CNOT6: variants seen among roughly 807,000 people sequenced by gnomAD.
CNOT6 encodes the protein carbon catabolite repression 4 protein.
In CNOT6, 12 loss-of-function variants were observed where a neutral mutation model predicts 61.2. The ratio of observed to expected loss-of-function variants is 0.20; its 90% CI spans 0.13 to 0.32. The LOEUF (loss-of-function observed/expected upper bound fraction) is 0.32, where lower values mean the gene tolerates loss of function less well. Ranked by LOEUF, CNOT6 falls within the 10% of genes least tolerant of loss-of-function variation. CNOT6 has a pLI of 1.00. For synonymous variants in CNOT6, 225 were observed against 240.6 expected, an observed-to-expected ratio of 0.94 and a Z score of 0.60; for missense variants, 405 against 663.9, an observed-to-expected ratio of 0.61 and a Z score of 4.28.
chr5:180,501,459 A>G (rs1300764045), intron 1 of CNOT6, among the ~76,000 whole-genome samples: 1 of 152,210 alleles, frequency 6.6e-6, no homozygotes, highest in East Asian at 1.9e-4. Flanking sequence ...CCTCCTGGAT[A>G]CTTAGGTGGA....
intron 1 of CNOT6, among the ~76,000 whole-genome samples, chr5:180,508,192 T>G (rs13171921): frequency 0.27 from 40,903 of 151,968 alleles, 6,134 homozygotes; most frequent in Middle Eastern, 0.41. Flanking sequence ...GGGCTAGAGT[T>G]GGAGACTGGA....
Position 180,549,990 on chromosome 5 carries a change from T to C in CNOT6, c.172T>C (p.Leu58=), listed in dbSNP as rs371414037. 11 of 1,614,110 alleles carry C rather than the reference T, an allele frequency of 6.8e-6. No homozygotes were observed. In the South Asian group the frequency reaches 9.9e-5, roughly 14 times the overall value. ...WSLTHLTALH[L]SDNSLSRIPS... is the part of the protein sequence containing the mutation. ...ACTAACTCACCTGACAGCTTTGCAT[T>C]TGAGTGACAATTCCCTGTCCCGAAT... Residue 58 remains leucine, a synonymous_variant, in exon 3 of 12, where the codon TTG becomes CTG. Transcript: ENST00000261951.
At chr5:180,520,943 C>A (rs1050962062) in intron 1 of CNOT6, among the ~76,000 whole-genome samples, 25 of 151,488 alleles carry the variant, frequency 1.7e-4, no homozygotes, top group African/African-American at 6.1e-4. Context: ...CTCCTGAGTT[C>A]AAGCAATTCT....
At chr5:180,545,635 G>C (rs1759279359) in intron 2 of CNOT6, among the ~76,000 whole-genome samples, 1 of 152,056 alleles carries the variant, frequency 6.6e-6, no homozygotes, top group Non-Finnish European at 1.5e-5. Flanking sequence ...GAACACACTT[G>C]GGTTGTTTCC....
At chr5:180,521,218 A>C (rs187916056) in intron 1 of CNOT6, among the ~76,000 whole-genome samples, 4 of 152,202 alleles carry the variant, frequency 2.6e-5, no homozygotes, top group Non-Finnish European at 5.9e-5. Flanking sequence ...TCTGTAATGA[A>C]TATCAGCAGT....
intron 2 of CNOT6, among the ~76,000 whole-genome samples, chr5:180,531,703 C>T (rs2127723145): frequency 6.6e-6 from 1 of 152,358 alleles, no homozygotes; most frequent in East Asian, 1.9e-4. Context: ...AGATTGAGCA[C>T]TGAGTGAGCA....
chr5:180,529,152 C>T lies in CNOT6; in HGVS notation c.-2-123C>T, dbSNP rs1033579557. 5.3e-5 allele frequency: 34 copies of T among 643,584 alleles called. No homozygotes were observed. In the East Asian group the frequency reaches 7.7e-4, roughly 15 times the overall value. 39.9% of individuals were successfully genotyped at this position (643,584 alleles called of 1,614,324 possible). ...TGAAGAGGTTGGAGTGAGCCAAAAT[C>T]GTGCCACTGCACTCCAGCCTGGGTG... On this transcript the variant is annotated intron_variant, in intron 1 of 11. Coordinates refer to ENST00000261951, the MANE Select transcript of CNOT6 (RefSeq NM_001370472.1).
intron 3 of CNOT6, among the ~76,000 whole-genome samples, chr5:180,552,879 C>T (rs1433770907): frequency 6.6e-6 from 1 of 152,126 alleles, no homozygotes; most frequent in East Asian, 1.9e-4. Flanking sequence ...CAATCATAAG[C>T]TTAATTATGC....
chr5:180,554,751 A>G (rs1182529003), intron 4 of CNOT6, among the ~76,000 whole-genome samples: 2 of 152,180 alleles, frequency 1.3e-5, no homozygotes, highest in African/African-American at 2.4e-5. Flanking sequence ...CAAAGTGTCC[A>G]TATACTGACT....
rs1292225796 is a variant in CNOT6 at position 180,547,772 on chromosome 5, C to T, written c.113-2159C>T. On this transcript the variant is annotated intron_variant, in intron 2 of 11. Transcript: ENST00000261951. ...GTTTTGAACTGGAGTCTCACTCTGTCGCCCAGACTGGAGTGCAGTGGCACC... is the reference window on the plus strand; with the variant it reads ...GTTTTGAACTGGAGTCTCACTCTGTTGCCCAGACTGGAGTGCAGTGGCACC... 3.3e-5 allele frequency among the ~76,000 whole-genome samples: 5 copies of T among 152,188 alleles called. No individual in the cohort carries two copies. The East Asian group carries it at 5.8e-4, about 18-fold the overall frequency.
At chr5:180,517,964 A>G (rs1445988581) in intron 1 of CNOT6, among the ~76,000 whole-genome samples, 1 of 151,852 alleles carries the variant, frequency 6.6e-6, no homozygotes, top group Non-Finnish European at 1.5e-5. Context: ...TGCTTCAGAT[A>G]GTGACTGACT....
At chr5:180,527,596 C>T (rs1442095689) in intron 1 of CNOT6, among the ~76,000 whole-genome samples, 1 of 152,086 alleles carries the variant, frequency 6.6e-6, no homozygotes, top group Non-Finnish European at 1.5e-5. Context: ...TCTAGAGAGG[C>T]TGGATTTGAT....
At position 180,574,408 on chromosome 5, in the gene CNOT6, G is replaced by A; in HGVS notation, c.*208G>A. 1.7e-6 allele frequency: 1 copy of A among 584,796 alleles called. No individual in the cohort carries two copies. The highest frequency in any genetic ancestry group is 3.1e-6 in the Non-Finnish European group (1 of 327,252). The allele number at this position is 584,796 out of a possible 1,614,324, so 36.2% of individuals were successfully genotyped here. A position where few individuals can be genotyped will look rare whatever the true frequency, so the allele number is the denominator to read the frequency against. ...CAATATGCTTTATACTGCTAGACAG[G>A]GATTGGTGTGTTTGCACCTGTCTTT... On this transcript the variant is annotated 3_prime_UTR_variant, in exon 12 of 12. Transcript: ENST00000261951.
intron 1 of CNOT6, among the ~76,000 whole-genome samples, chr5:180,514,355 G>A (rs1055845920): frequency 1.3e-5 from 2 of 152,204 alleles, no homozygotes; most frequent in Non-Finnish European, 2.9e-5. Context: ...CTGGAAGGCA[G>A]AGGTTGCGGT....
chr5:180,496,738 A>G (rs1280312205), intron 1 of CNOT6, among the ~76,000 whole-genome samples: 1 of 152,194 alleles, frequency 6.6e-6, no homozygotes, highest in Non-Finnish European at 1.5e-5. Context: ...CTTTATAAAA[A>G]CGGTGACGAA....
At chr5:180,530,610 C>T (rs1411312042) in intron 2 of CNOT6, among the ~76,000 whole-genome samples, 1 of 142,686 alleles carries the variant, frequency 7.0e-6, no homozygotes, top group South Asian at 2.2e-4. Context: ...GGGTGTTTCT[C>T]GGAGAGGGGG....
At position 180,574,208 on chromosome 5, in the gene CNOT6, C is replaced by T; in HGVS notation, c.*8C>T. On this transcript the variant is annotated 3_prime_UTR_variant, in exon 12 of 12. Transcript: ENST00000261951. ...CTTCCTGGCAGGAGGTAGTCAAGCA[C>T]CTTCAGAGGACAGCCTTGATTCACT... 1.9e-6 allele frequency: 3 copies of T among 1,607,286 alleles called. No homozygotes were observed. The highest frequency in any genetic ancestry group is 8.5e-7 in the Non-Finnish European group (1 of 1,173,820).
At chr5:180,555,622 G>A (rs1030998995) in intron 4 of CNOT6, among the ~76,000 whole-genome samples, 1 of 152,148 alleles carries the variant, frequency 6.6e-6, no homozygotes, top group Non-Finnish European at 1.5e-5. Context: ...TAATTCTAAT[G>A]TTGTGTCGGA....
At chr5:180,523,209 G>T (rs994645675) in intron 1 of CNOT6, among the ~76,000 whole-genome samples, 1 of 152,150 alleles carries the variant, frequency 6.6e-6, no homozygotes, top group Non-Finnish European at 1.5e-5. Context: ...TGTGAGCATA[G>T]AGGAAAAACA....
Sources: gnomAD v4.1 joint callset for allele counts (sites outside exome capture counted in the v4.1 genomes callset) on GRCh38, gnomAD v4.1.1 for gene constraint, MANE v1.5 for transcripts, NCBI Gene and HGNC (gene_info 2026-07-23, HGNC 2026-07-21) for gene names.